WASF3: variants seen among roughly 807,000 people sequenced by gnomAD.
WASF3 encodes the protein actin-binding protein WASF3.
WASF3 carries 11 observed loss-of-function variants against 46.6 expected under a neutral mutation model. The ratio of observed to expected loss-of-function variants is 0.24; its 90% confidence interval spans 0.15 to 0.39. WASF3 has a LOEUF of 0.39. Ranked by LOEUF, WASF3 falls within the 10% of genes least tolerant of loss-of-function variation. The pLI is 1.00. For missense variants in WASF3, 576 were observed against 669.8 expected, an observed-to-expected ratio of 0.86 and a Z score of 1.55; for synonymous variants, 242 against 259.7, an observed-to-expected ratio of 0.93 and a Z score of 0.65.
chr13:26,646,130 C>T (rs958481239), intron 3 of WASF3, among the ~76,000 whole-genome samples: 4 of 152,188 alleles, frequency 2.6e-5, no homozygotes, highest in African/African-American at 9.7e-5. Context: ...CAACCTGCTA[C>T]AAGACAACAC....
chr13:26,636,024 AG>A (rs1431369752), intron 2 of WASF3, among the ~76,000 whole-genome samples: 3 of 152,250 alleles, frequency 2.0e-5, no homozygotes, highest in African/African-American at 7.2e-5. Context: ...CCATGCTGGG[AG>A]AACCACTGCT....
Position 26,682,597 on chromosome 13 carries a change from T to C in WASF3, c.984-10T>C. On this transcript the variant is annotated splice_polypyrimidine_tract_variant and intron_variant, in intron 8 of 9. Transcript: ENST00000335327. The surrounding 1 kb of genome is among the most constrained non-coding windows in gnomAD (Gnocchi z 4.4). ...TCCCTTGGTGACTATGTGCCTCATA[T>C]CTCTCTCAGGATGCTCCCAGCGCAG... 6.2e-7 allele frequency: 1 copy of C among 1,613,858 alleles called. No homozygotes were observed. Among genetic ancestry groups the C allele is most frequent in the Non-Finnish European group, 8.5e-7 (1 of 1,179,854 alleles).
intron 4 of WASF3, among the ~76,000 whole-genome samples, chr13:26,667,247 T>A (rs1882800817): frequency 6.6e-6 from 1 of 152,202 alleles, no homozygotes; most frequent in South Asian, 2.1e-4. Flanking sequence ...GAAATGCTAT[T>A]TAAATAATGT....
At chr13:26,547,393 A>AAC in the WASF3 span, among the ~76,000 whole-genome samples, 25,293 of 131,072 alleles carry the variant, frequency 0.19, 2,101 homozygotes, top group Admixed American at 0.27. Context: ...CTACCCCATC[A>AAC]ACACACACAC....
chr13:26,627,259 TTATAC>T (rs1278532830), intron 2 of WASF3, among the ~76,000 whole-genome samples: 1 of 131,654 alleles, frequency 7.6e-6, no homozygotes, highest in African/African-American at 2.6e-5. Flanking sequence ...TATCAACATC[TTATAC>T]TATACTTTTT....
At chr13:26,543,929 T>G in the WASF3 span, among the ~76,000 whole-genome samples, 4 of 152,182 alleles carry the variant, frequency 2.6e-5, no homozygotes, top group African/African-American at 9.7e-5. Context: ...TCCAAGCAAT[T>G]GCTATTGACA....
intron 1 of WASF3, among the ~76,000 whole-genome samples, chr13:26,612,367 T>G (rs894653202): frequency 2.0e-5 from 3 of 152,226 alleles, no homozygotes; most frequent in African/African-American, 7.2e-5. Context: ...TCTAGCACAT[T>G]GGTATACAAC....
chr13:26,565,830 A>G (rs1017210789), intron 1 of WASF3, among the ~76,000 whole-genome samples: 4 of 152,238 alleles, frequency 2.6e-5, no homozygotes, highest in Non-Finnish European at 5.9e-5. Context: ...TGCCTGAGCT[A>G]TAATTGAAAT....
intron 5 of WASF3, 109 bp from the exon 6 acceptor site, chr13:26,671,763 C>T (rs1882930567): frequency 1.4e-6 from 1 of 698,796 alleles, no homozygotes; most frequent in Non-Finnish European, 2.4e-6. Context: ...GTTTAAGTGC[C>T]CCATGTAGAT....
intron 1 of WASF3, among the ~76,000 whole-genome samples, chr13:26,560,018 A>T (rs752911262): frequency 6.6e-6 from 1 of 151,518 alleles, no homozygotes; most frequent in Non-Finnish European, 1.5e-5. Context: ...CAGTTTCACC[A>T]TGTTGGACAG....
chr13:26,666,129 A>G (rs1381176521), intron 4 of WASF3, among the ~76,000 whole-genome samples: 1 of 152,230 alleles, frequency 6.6e-6, no homozygotes, highest in Non-Finnish European at 1.5e-5. Context: ...AATTACAAAT[A>G]TAACAAAAAT....
Position 26,688,863 on chromosome 13 carries a change from GT to G in WASF3, c.*3021del, listed in dbSNP as rs1883489766. On this transcript the variant is annotated 3_prime_UTR_variant, in exon 10 of 10. Coordinates refer to ENST00000335327, the MANE Select transcript of WASF3 (RefSeq NM_006646.6). ...AAAAACTGTTAAACAATTTTTATCTGTTTGTATATCTTACTATAGATTATGT... is the reference window on the plus strand; with the variant it reads ...AAAAACTGTTAAACAATTTTTATCTGTTGTATATCTTACTATAGATTATGT... 1.3e-5 allele frequency: 2 copies of G among 151,978 alleles called. No individual in the cohort carries two copies. The highest frequency in any genetic ancestry group is 4.8e-5 in the African/African-American group (2 of 41,368). The allele number at this position is 151,978 out of a possible 1,614,324, so 9.4% of individuals were successfully genotyped here.
chr13:26,573,583 T>G (rs1186329227), intron 1 of WASF3, among the ~76,000 whole-genome samples: 1 of 152,164 alleles, frequency 6.6e-6, no homozygotes, highest in East Asian at 1.9e-4. Flanking sequence ...TTTGTTTGTA[T>G]ATCCCTTTTC....
chr13:26,665,587 T>TA (rs35808171), intron 4 of WASF3, among the ~76,000 whole-genome samples: 44,115 of 152,076 alleles, frequency 0.29, 6,807 homozygotes, highest in East Asian at 0.57. Context: ...TTGATGCCTG[T>TA]AAAATCCTGG....
intron 5 of WASF3, among the ~76,000 whole-genome samples, chr13:26,670,178 A>G (rs1882889379): frequency 6.6e-6 from 1 of 152,212 alleles, no homozygotes; most frequent in African/African-American, 2.4e-5. Flanking sequence ...ATGCAGCCAT[A>G]AAAAAGAATG....
At chr13:26,660,518 A>G (rs1882599145) in intron 3 of WASF3, among the ~76,000 whole-genome samples, 1 of 152,032 alleles carries the variant, frequency 6.6e-6, no homozygotes, top group Non-Finnish European at 1.5e-5. Context: ...GTGATAGGGC[A>G]AAAACAGGAC....
chr13:26,640,946 G>A (rs911905657), intron 2 of WASF3: 4 of 152,058 alleles, frequency 2.6e-5, no homozygotes, highest in African/African-American at 9.7e-5. Flanking sequence ...CATTCCCCAG[G>A]AAGGAATGCT....
At chr13:26,553,067 T>C (rs1387284037), upstream of WASF3, among the ~76,000 whole-genome samples, 1 of 152,142 alleles carries the variant, frequency 6.6e-6, no homozygotes, top group African/African-American at 2.4e-5. Flanking sequence ...GTGAAGCATA[T>C]TCTTATTAGG....
At chr13:26,627,526 T>C (rs1226552717) in intron 2 of WASF3, among the ~76,000 whole-genome samples, 1 of 152,192 alleles carries the variant, frequency 6.6e-6, no homozygotes, top group Non-Finnish European at 1.5e-5. Context: ...TGTCACTGTT[T>C]ATTCATTCAG....
Sources: allele counts gnomAD v4.1 joint callset (sites outside exome capture counted in the v4.1 genomes callset), GRCh38; gene constraint gnomAD v4.1.1; non-coding constraint Gnocchi (gnomAD v3.1); transcripts MANE v1.5; gene names NCBI Gene and HGNC (gene_info 2026-07-23, HGNC 2026-07-21).